SGCZ: variants seen among roughly 807,000 people sequenced by gnomAD.
The protein encoded by SGCZ is zeta-sarcoglycan.
In SGCZ, 40 loss-of-function variants were observed where a neutral mutation model predicts 41.3. The observed-to-expected ratio is 0.97, with a 90% confidence interval of 0.75 to 1.26. The LOEUF is 1.26. Ranked by LOEUF, SGCZ falls within the 50% of genes most tolerant of loss-of-function variation. The probability of loss-of-function intolerance (pLI) is 0.00; values close to 1 mark genes in which losing one functional copy is unlikely to be tolerated. For synonymous variants in SGCZ, 206 were observed against 137.5 expected (o/e 1.50, Z -3.49); for missense variants, 552 against 369.8 (o/e 1.49, Z -4.04).
chr8:14,191,547 T>C (rs1047415488), intron 4 of SGCZ, among the ~76,000 whole-genome samples: 3 of 152,220 alleles, frequency 2.0e-5, no homozygotes, highest in African/African-American at 7.2e-5. Context: ...TTCTTTGGTA[T>C]GTATCATTTG....
intron 4 of SGCZ, among the ~76,000 whole-genome samples, chr8:14,221,171 G>A (rs751993728): frequency 1.3e-5 from 2 of 152,184 alleles, no homozygotes; most frequent in Non-Finnish European, 2.9e-5. Flanking sequence ...TCTTATGTGT[G>A]TATGTCATTG....
intron 7 of SGCZ, among the ~76,000 whole-genome samples, chr8:14,094,639 G>T: frequency 6.6e-6 from 1 of 152,012 alleles, no homozygotes; most frequent in East Asian, 1.9e-4. Flanking sequence ...ATAATCTTTT[G>T]GGTATAATCA....
chr8:14,767,066 T>C (rs1283099844), intron 1 of SGCZ, among the ~76,000 whole-genome samples: 5 of 67,556 alleles, frequency 7.4e-5, no homozygotes, highest in Non-Finnish European at 4.8e-5. Flanking sequence ...CATCTGGTGT[T>C]TTATTTTTAC....
intron 2 of SGCZ, among the ~76,000 whole-genome samples, chr8:14,441,806 T>G (rs1291444919): frequency 6.6e-6 from 1 of 152,154 alleles, no homozygotes; most frequent in Non-Finnish European, 1.5e-5. Flanking sequence ...AACTTTTTTG[T>G]CAGTTTCTAT....
chr8:14,102,876 A>C (rs1802077829), intron 6 of SGCZ, among the ~76,000 whole-genome samples: 2 of 152,176 alleles, frequency 1.3e-5, no homozygotes, highest in Admixed American at 1.3e-4. Context: ...ACTAGTATTA[A>C]TGATGGAGGT....
Position 14,629,083 on chromosome 8 carries a change from T to G in SGCZ, c.40-74157A>C, listed in dbSNP as rs927399749. Reference sequence around the variant, plus strand: ...ATTTGACCAGATTTGGGGAAAAATTTAATCTATCAGTAAGATTTTATTTCT... The same window carrying G: ...ATTTGACCAGATTTGGGGAAAAATTGAATCTATCAGTAAGATTTTATTTCT... On this transcript the variant is annotated intron_variant, in intron 1 of 7. Coordinates refer to ENST00000382080, the MANE Select transcript of SGCZ (RefSeq NM_139167.4). 2.6e-5 allele frequency among the ~76,000 whole-genome samples: 4 copies of G among 152,162 alleles called. No individual in the cohort carries two copies. The South Asian group carries it at 8.3e-4, about 31-fold the overall frequency.
intron 4 of SGCZ, among the ~76,000 whole-genome samples, chr8:14,211,424 G>C (rs1418742187): frequency 6.6e-6 from 1 of 152,142 alleles, no homozygotes; most frequent in Non-Finnish European, 1.5e-5. Context: ...AGGACCTCAG[G>C]CGAGACATCT....
chr8:14,441,830 C>T (rs1800280011), intron 2 of SGCZ, among the ~76,000 whole-genome samples: 2 of 151,902 alleles, frequency 1.3e-5, no homozygotes, highest in Admixed American at 6.6e-5. Flanking sequence ...TTTTTTTAAC[C>T]CCACCTCTGA....
chr8:14,357,761 G>C (rs1803349384), intron 2 of SGCZ, among the ~76,000 whole-genome samples: 1 of 152,118 alleles, frequency 6.6e-6, no homozygotes, highest in African/African-American at 2.4e-5. Flanking sequence ...TTGCAGCTGA[G>C]AAAATTGAGG....
At chr8:14,339,710 C>A (rs1346225476) in intron 2 of SGCZ, among the ~76,000 whole-genome samples, 1 of 152,034 alleles carries the variant, frequency 6.6e-6, no homozygotes, top group Non-Finnish European at 1.5e-5. Context: ...ATGCAGCTAC[C>A]TGAAGCAAAG....
intron 1 of SGCZ, among the ~76,000 whole-genome samples, chr8:15,090,293 C>G (rs1044958266): frequency 9.9e-5 from 15 of 152,172 alleles, no homozygotes; most frequent in African/African-American, 3.6e-4. Context: ...TTGGCCAAAC[C>G]ATACTGCTTA....
intron 3 of SGCZ, among the ~76,000 whole-genome samples, chr8:14,290,500 A>C (rs557041055): frequency 6.6e-6 from 1 of 152,260 alleles, no homozygotes; most frequent in Admixed American, 6.5e-5. Context: ...CAACAAAATA[A>C]TGACCTCATT....
chr8:14,922,988 A>G (rs892419829), intron 1 of SGCZ, among the ~76,000 whole-genome samples: 1 of 152,208 alleles, frequency 6.6e-6, no homozygotes, highest in Non-Finnish European at 1.5e-5. Context: ...TTTATAATTG[A>G]ATGATGAGCT....
intron 1 of SGCZ, among the ~76,000 whole-genome samples, chr8:14,621,952 G>A (rs1806301327): frequency 6.6e-6 from 1 of 152,002 alleles, no homozygotes. Context: ...CTTATGGTTT[G>A]GCTCTGTGTC....
chr8:14,735,665 T>A (rs1799007079), intron 1 of SGCZ, among the ~76,000 whole-genome samples: 1 of 152,148 alleles, frequency 6.6e-6, no homozygotes, highest in Non-Finnish European at 1.5e-5. Flanking sequence ...CACCTTGTGA[T>A]CCTGTGAGTC....
At chr8:14,752,288 T>A (rs144308749) in intron 1 of SGCZ, among the ~76,000 whole-genome samples, 202 of 152,304 alleles carry the variant, frequency 1.3e-3, no homozygotes, top group Non-Finnish European at 2.6e-3. Context: ...ATTTATCAAG[T>A]GTTATTTCCA....
chr8:14,296,130 A>T (rs562879782), intron 3 of SGCZ, among the ~76,000 whole-genome samples: 1 of 152,270 alleles, frequency 6.6e-6, no homozygotes, highest in Non-Finnish European at 1.5e-5. Context: ...CTTGGCCTAA[A>T]TAAGCTTCAA....
chr8:15,222,809 G>A (rs1285669630), intron 1 of SGCZ, among the ~76,000 whole-genome samples: 1 of 151,988 alleles, frequency 6.6e-6, no homozygotes, highest in East Asian at 1.9e-4. Context: ...GGGTGTGTGT[G>A]TGTGTGACTA....
chr8:14,665,392 C>A, intron 1 of SGCZ, among the ~76,000 whole-genome samples: 1 of 152,250 alleles, frequency 6.6e-6, no homozygotes, highest in East Asian at 1.9e-4. Context: ...CGTGCCACAT[C>A]GTCTTAATCC....
Sources: allele counts gnomAD v4.1 joint callset (sites outside exome capture counted in the v4.1 genomes callset), GRCh38; gene constraint gnomAD v4.1.1; transcripts MANE v1.5; gene names NCBI Gene and HGNC (gene_info 2026-07-23, HGNC 2026-07-21).